ATG7: variants seen among roughly 807,000 people sequenced by gnomAD.
The protein encoded by ATG7 is autophagy related 7.
In ATG7, 70 loss-of-function variants were observed where a neutral mutation model predicts 82.4. The ratio of observed to expected loss-of-function variants is 0.85; its 90% CI spans 0.70 to 1.04. The LOEUF (loss-of-function observed/expected upper bound fraction) is 1.04, where lower values mean the gene tolerates loss of function less well. Ranked by LOEUF, ATG7 falls within the 50% of genes least tolerant of loss-of-function variation. The probability of loss-of-function intolerance (pLI) is 0.00; values close to 1 mark genes in which losing one functional copy is unlikely to be tolerated. For missense variants in ATG7, 792 were observed against 864.3 expected, an observed-to-expected ratio of 0.92 and a Z score of 1.05; for synonymous variants, 287 against 313.0, an observed-to-expected ratio of 0.92 and a Z score of 0.88.
At chr3:11,340,820 G>A (rs1575566278) in intron 12 of ATG7, 85 bp downstream of exon 12, 5 of 1,255,028 alleles carry the variant, frequency 4.0e-6, no homozygotes, top group East Asian at 2.5e-5. Flanking sequence ...ACAACATTGT[G>A]TAATTCAGCC....
At chr3:11,345,825 A>G (rs1954458111) in intron 13 of ATG7, among the ~76,000 whole-genome samples, 1 of 152,006 alleles carries the variant, frequency 6.6e-6, no homozygotes, top group South Asian at 2.1e-4. Flanking sequence ...AGGTTCTAGA[A>G]TTTTTAGATG....
intron 19 of ATG7, among the ~76,000 whole-genome samples, chr3:11,418,868 T>C (rs2081655368): frequency 1.3e-5 from 2 of 152,168 alleles, no homozygotes; most frequent in Admixed American, 1.3e-4. Flanking sequence ...ACTTCTTACA[T>C]GGCGGCAGGA....
chr3:11,497,745 G>A (rs1269906600), intron 20 of ATG7, among the ~76,000 whole-genome samples: 1 of 151,800 alleles, frequency 6.6e-6, no homozygotes, highest in Non-Finnish European at 1.5e-5. Flanking sequence ...ACACGAGGCT[G>A]GTTTTAGTTT....
At chr3:11,462,117 G>A (rs946617806) in intron 20 of ATG7, among the ~76,000 whole-genome samples, 7 of 151,966 alleles carry the variant, frequency 4.6e-5, no homozygotes, top group South Asian at 2.1e-4. Context: ...AAACCTACTC[G>A]GCTCTCAAGG....
chr3:11,368,650 G>GTTTAAATGTTAATTTAACAT (rs1553631590), intron 18 of ATG7, among the ~76,000 whole-genome samples: 6 of 151,246 alleles, frequency 4.0e-5, no homozygotes, highest in South Asian at 2.1e-4. Context: ...CAGGTGTGGT[G>GTTTAAATGTTAATTTAACAT]GCACGCACCT....
chr3:11,545,116 G>A (rs991761929), intron 20 of ATG7, among the ~76,000 whole-genome samples: 1 of 152,202 alleles, frequency 6.6e-6, no homozygotes, highest in African/African-American at 2.4e-5. Flanking sequence ...CCAGGAGGCT[G>A]CGGCCGCTGG....
chr3:11,446,051 G>C (rs1351252732), intron 20 of ATG7, among the ~76,000 whole-genome samples: 1 of 151,906 alleles, frequency 6.6e-6, no homozygotes, highest in Non-Finnish European at 1.5e-5. Flanking sequence ...AAAGTATGAT[G>C]GAGCCCAGCG....
intron 20 of ATG7, among the ~76,000 whole-genome samples, chr3:11,531,918 G>A (rs531214567): frequency 6.0e-5 from 9 of 150,128 alleles, no homozygotes; most frequent in Non-Finnish European, 1.0e-4. Context: ...AACATTTATT[G>A]AGTGCTTACT....
At chr3:11,549,973 G>A (rs983530976) in intron 20 of ATG7, among the ~76,000 whole-genome samples, 2 of 152,144 alleles carry the variant, frequency 1.3e-5, no homozygotes, top group African/African-American at 4.8e-5. Context: ...TTTCCCTGAG[G>A]ACTGCAAACT....
chr3:11,554,796 C>T lies in ATG7; in HGVS notation c.2080-15C>T, dbSNP rs772055362. 3 of 1,613,270 alleles carry T rather than the reference C, an allele frequency of 1.9e-6. No homozygotes were observed. Among genetic ancestry groups the T allele is most frequent in the South Asian group, 2.2e-5 (2 of 90,980 alleles). On this transcript the variant is annotated splice_polypyrimidine_tract_variant and intron_variant, in intron 20 of 20. Transcript: ENST00000693202. ...GTGGGACATCTCGGCTGAGCCTCTC[C>T]CCTTCTCCATGCAGATCTGGGACAT...
intron 20 of ATG7, chr3:11,529,722 G>A (rs1343823319): frequency 1.3e-5 from 2 of 152,734 alleles, no homozygotes; most frequent in African/African-American, 4.8e-5. Flanking sequence ...GGTCTCTTCA[G>A]TGGCAAGCAT....
At chr3:11,551,437 CAAGGGGTG>C in intron 20 of ATG7, among the ~76,000 whole-genome samples, 1 of 152,228 alleles carries the variant, frequency 6.6e-6, no homozygotes, top group African/African-American at 2.4e-5. Flanking sequence ...TATGCAGAAA[CAAGGGGTG>C]TGGCTCTATC....
intron 20 of ATG7, among the ~76,000 whole-genome samples, chr3:11,465,088 A>AGTGTGTGT (rs55999171): frequency 6.3e-4 from 93 of 147,418 alleles, no homozygotes; most frequent in African/African-American, 1.9e-3. Context: ...AAAAACCTAA[A>AGTGTGTGT]GTGTGTGTGT....
chr3:11,342,155 A>G lies in ATG7; in HGVS notation c.1001A>G (p.Asp334Gly). The G allele has an allele frequency of 6.2e-7, 1 of 1,612,854 alleles. No homozygotes were observed. The highest frequency in any genetic ancestry group is 8.5e-7 in the Non-Finnish European group (1 of 1,179,892). ...TCTAGGTTAGCTGAGTCATCAGTGG[A>G]TCTAAATCTCAAACTGATGTGTTGG... is the stretch of plus-strand genomic sequence containing the variant. ...DPKRLAESSV[D>G]LNLKLMCWRL... Residue 334 changes from aspartate to glycine, a missense_variant, in exon 13 of 21, where the codon GAT (aspartate) becomes GGT (glycine). By Grantham distance (94) the Asp-to-Gly change is moderately conservative (BLOSUM62 -1). Coordinates refer to ENST00000693202, the MANE Select transcript of ATG7 (RefSeq NM_001349232.2).
chr3:11,536,826 T>G (rs1048278085), intron 20 of ATG7, among the ~76,000 whole-genome samples: 1 of 152,144 alleles, frequency 6.6e-6, no homozygotes, highest in Non-Finnish European at 1.5e-5. Context: ...CATCTTCCCT[T>G]CAGCAGCTGT....
In ATG7 at chr3:11,555,008, G is replaced by A. The variant is rs73812469; in HGVS notation, c.*165G>A. The A allele has an allele frequency of 1.0e-4, 87 of 837,404 alleles. No individual in the cohort carries two copies. Among genetic ancestry groups the A allele is most frequent in the African/African-American group, 1.0e-3 (58 of 57,310 alleles). The allele number at this position is 837,404 out of a possible 1,614,324, so 51.9% of individuals were successfully genotyped here. The stretch of plus-strand genomic sequence containing the variant: ...TGCCCAGGAGTGGCCAGTGTTCGGC[G>A]TTGCTCGGGATTCAAGATACCACCA... On this transcript the variant is annotated 3_prime_UTR_variant, in exon 21 of 21. Transcript: ENST00000693202.
chr3:11,490,527 G>A (rs1002499931), intron 20 of ATG7, among the ~76,000 whole-genome samples: 1 of 152,132 alleles, frequency 6.6e-6, no homozygotes, highest in African/African-American at 2.4e-5. Context: ...ATGTTAGCTG[G>A]TTATTTTGCT....
chr3:11,564,410 C>CG, the ATG7 span, among the ~76,000 whole-genome samples: 1 of 151,748 alleles, frequency 6.6e-6, no homozygotes, highest in East Asian at 1.9e-4. Context: ...GTAGGACCCC[C>CG]CCACCCGAGG....
At chr3:11,543,501 G>A (rs1169895215) in intron 20 of ATG7, among the ~76,000 whole-genome samples, 1 of 152,250 alleles carries the variant, frequency 6.6e-6, no homozygotes, top group African/African-American at 2.4e-5. Context: ...TAATTCCTCT[G>A]CCAAGTCTGG....
Sources: gnomAD v4.1 joint callset for allele counts (sites outside exome capture counted in the v4.1 genomes callset) on GRCh38, gnomAD v4.1.1 for gene constraint, MANE v1.5 for transcripts, NCBI Gene and HGNC (gene_info 2026-07-23, HGNC 2026-07-21) for gene names.